Variants in ALKBH8 observed in about 807,000 individuals in gnomAD.
The protein encoded by ALKBH8 is tRNA (carboxymethyluridine(34)-5-O)-methyltransferase ALKBH8.
In ALKBH8, 36 loss-of-function variants were observed where a neutral mutation model predicts 59.8. The ratio of observed to expected loss-of-function variants is 0.60; its 90% confidence interval spans 0.46 to 0.79. The LOEUF is 0.79. Among genes scored for constraint, ALKBH8 ranks in the 30% least tolerant of loss-of-function variants. The probability of loss-of-function intolerance (pLI) is 0.00; values close to 1 mark genes in which losing one functional copy is unlikely to be tolerated. For synonymous variants in ALKBH8, 276 were observed against 273.6 expected, an observed-to-expected ratio of 1.01 and a Z score of -0.09; for missense variants, 768 against 801.0, an observed-to-expected ratio of 0.96 and a Z score of 0.50.
At chr11:107,532,458 A>G in intron 7 of ALKBH8, 52 bp from the exon 8 acceptor site, 2 of 1,363,162 alleles carry the variant, frequency 1.5e-6, no homozygotes, top group Non-Finnish European at 2.1e-6. Flanking sequence ...CATATACTCC[A>G]AGGATAAGAA....
Position 107,525,607 on chromosome 11 carries a change from CA to C in ALKBH8, c.879-16del, listed in dbSNP as rs1177511058. 5.9e-6 allele frequency: 8 copies of C among 1,348,262 alleles called. No individual in the cohort carries two copies. The highest frequency in any genetic ancestry group is 7.7e-6 in the Non-Finnish European group (8 of 1,045,308). 83.5% of individuals were successfully genotyped at this position (1,348,262 alleles called of 1,614,324 possible). A position where few individuals can be genotyped will look rare whatever the true frequency, so the allele number is the denominator to read the frequency against. The stretch of plus-strand genomic sequence containing the variant: ...TGCACGTGATTCTAAAAACAATAGT[CA>C]AAAAAATTTACTTAACATTGTATTA... On this transcript the variant is annotated splice_polypyrimidine_tract_variant and intron_variant, in intron 8 of 11. Transcript: ENST00000428149.
intron 10 of ALKBH8, among the ~76,000 whole-genome samples, chr11:107,512,154 G>A (rs1365763635): frequency 1.3e-5 from 2 of 151,794 alleles, no homozygotes; most frequent in East Asian, 3.9e-4. Context: ...TTTTGTTGTT[G>A]TAGTTGTTGT....
Position 107,505,146 on chromosome 11 carries a change from C to T in ALKBH8, c.1507G>A (p.Val503Ile). 6.4e-7 allele frequency: 1 copy of T among 1,551,200 alleles called. No homozygotes were observed. The highest frequency in any genetic ancestry group is 8.7e-7 in the Non-Finnish European group (1 of 1,146,876). The change falls in exon 12 of 12, where the codon GTC becomes ATC. Residue 503 changes from valine (V) to isoleucine (I), a missense_variant. Transcript: ENST00000428149. The part of the protein sequence containing the change: ...LRPGGKALIY[V>I]WAMEQEYNKQ... ...TTATATTCTTGTTCCATTGCCCAGACATAAATGAGTGCCTTCCCACCTGGT... is the reference window on the plus strand; with the variant it reads ...TTATATTCTTGTTCCATTGCCCAGATATAAATGAGTGCCTTCCCACCTGGT...
intron 7 of ALKBH8, among the ~76,000 whole-genome samples, chr11:107,542,267 C>T (rs1382502362): frequency 6.6e-6 from 1 of 151,790 alleles, no homozygotes; most frequent in African/African-American, 2.4e-5. Context: ...GCAGAATAAG[C>T]AGGATCATAA....
In ALKBH8 at chr11:107,522,931, T is replaced by G. The variant is rs1201813643; in HGVS notation, c.1031-376A>C. Among the ~76,000 whole-genome samples, 3 of 152,012 alleles carry G rather than the reference T, an allele frequency of 2.0e-5. No homozygotes were observed. In the East Asian group the frequency reaches 5.8e-4, roughly 29 times the overall value. The stretch of plus-strand genomic sequence containing the variant: ...AACAGTACAGAGGTTCTTCAAAAAC[T>G]TAGAAACAGGGGACTACCTGCCTTC... On this transcript the variant is annotated intron_variant, in intron 9 of 11. Transcript: ENST00000428149.
chr11:107,509,800 A>G (rs1862546877), intron 11 of ALKBH8, among the ~76,000 whole-genome samples: 1 of 152,202 alleles, frequency 6.6e-6, no homozygotes. Flanking sequence ...ATCATATAGA[A>G]CTTCATAGAG....
At chr11:107,564,029 C>A (rs1308423762) in intron 1 of ALKBH8, among the ~76,000 whole-genome samples, 4 of 152,178 alleles carry the variant, frequency 2.6e-5, no homozygotes, top group Non-Finnish European at 5.9e-5. Context: ...GTGCCCCCTT[C>A]TGACAAAGCC....
At chr11:107,531,910 C>A (rs763100819) in intron 8 of ALKBH8, among the ~76,000 whole-genome samples, 32 of 152,190 alleles carry the variant, frequency 2.1e-4, no homozygotes, top group Admixed American at 3.3e-4. Flanking sequence ...CCCTGACATA[C>A]ACAATGTCCT....
chr11:107,529,853 T>C (rs1456554655), intron 8 of ALKBH8, among the ~76,000 whole-genome samples: 1 of 152,168 alleles, frequency 6.6e-6, no homozygotes, highest in Non-Finnish European at 1.5e-5. Context: ...TCAATTTTCA[T>C]GTAACTCTAA....
intron 10 of ALKBH8, among the ~76,000 whole-genome samples, chr11:107,520,161 A>C (rs1863048559): frequency 6.6e-6 from 1 of 152,316 alleles, no homozygotes; most frequent in African/African-American, 2.4e-5. Context: ...AGCTGAAGGT[A>C]AATTCACAGG....
At chr11:107,506,425 T>C (rs55928933) in intron 11 of ALKBH8, among the ~76,000 whole-genome samples, 9,209 of 151,088 alleles carry the variant, frequency 0.061, 873 homozygotes, top group African/African-American at 0.2. Context: ...AAAAAGACCA[T>C]AGAAATAAAT....
At chr11:107,510,363 T>A (rs1862570718) in intron 11 of ALKBH8, among the ~76,000 whole-genome samples, 1 of 147,122 alleles carries the variant, frequency 6.8e-6, no homozygotes, top group Non-Finnish European at 1.5e-5. Flanking sequence ...ATACTAAGAG[T>A]CAACATACTA....
In ALKBH8 at chr11:107,504,729, C is replaced by T. The variant is rs780419869; in HGVS notation, c.1924G>A (p.Val642Met). Residue 642 changes from valine (V) to methionine (M), a missense_variant, in exon 12 of 12, where the codon GTG becomes ATG. Transcript: ENST00000428149. Reference sequence around the variant, plus strand: ...CTTTGCAGAATTCTGACATCACTCACAGTCCTGCAGGCACCTTCCAGTTCT... The same window carrying T: ...CTTTGCAGAATTCTGACATCACTCATAGTCCTGCAGGCACCTTCCAGTTCT... ...EGELEGACRT[V>M]SDVRILQSYY... 2 of 1,551,826 alleles carry T rather than the reference C, an allele frequency of 1.3e-6. No individual in the cohort carries two copies. The highest frequency in any genetic ancestry group is 1.4e-5 in the African/African-American group (1 of 73,126).
chr11:107,516,261 T>C (rs531663830), intron 10 of ALKBH8, among the ~76,000 whole-genome samples: 7 of 152,332 alleles, frequency 4.6e-5, no homozygotes, highest in African/African-American at 1.7e-4. Flanking sequence ...CCATTGACTC[T>C]CAATATACAT....
intron 10 of ALKBH8, among the ~76,000 whole-genome samples, chr11:107,519,394 T>C (rs1729638804): frequency 6.6e-6 from 1 of 152,202 alleles, no homozygotes; most frequent in African/African-American, 2.4e-5. Context: ...CATAAGCCAC[T>C]GTGCCCAGCC....
chr11:107,562,224 G>A (rs1048566461), intron 1 of ALKBH8, among the ~76,000 whole-genome samples: 18 of 151,724 alleles, frequency 1.2e-4, no homozygotes, highest in African/African-American at 2.4e-4. Context: ...GCTTGAACCC[G>A]GGAGGCAGAG....
chr11:107,532,180 T>C, intron 8 of ALKBH8, 120 bp downstream of exon 8: 1 of 698,654 alleles, frequency 1.4e-6, no homozygotes, highest in Middle Eastern at 3.3e-4. Flanking sequence ...TAGATGCCCC[T>C]AGGAGTTCTG....
At chr11:107,522,669 T>A in intron 9 of ALKBH8, 114 bp from the exon 10 acceptor site, 1 of 1,224,364 alleles carries the variant, frequency 8.2e-7, no homozygotes, top group Non-Finnish European at 1.1e-6. Context: ...AGACAGACTC[T>A]GATTTATCCG....
chr11:107,524,529 C>T (rs567393723), intron 9 of ALKBH8, among the ~76,000 whole-genome samples: 6 of 152,222 alleles, frequency 3.9e-5, no homozygotes, highest in Non-Finnish European at 8.8e-5. Context: ...TTTTTCTATA[C>T]CATGTAACTC....
Sources: allele counts gnomAD v4.1 joint callset (sites outside exome capture counted in the v4.1 genomes callset), GRCh38; gene constraint gnomAD v4.1.1; transcripts MANE v1.5; gene names NCBI Gene and HGNC (gene_info 2026-07-23, HGNC 2026-07-21).